KCNIP4: variants seen among roughly 807,000 people sequenced by gnomAD.
KCNIP4 encodes Kv channel-interacting protein 4.
A neutral mutation model predicts 34.0 loss-of-function variants in KCNIP4; 12 were observed. The ratio of observed to expected loss-of-function variants is 0.35; its 90% CI spans 0.23 to 0.57. The LOEUF (loss-of-function observed/expected upper bound fraction) is 0.57, where lower values mean the gene tolerates loss of function less well. Among genes scored for constraint, KCNIP4 ranks in the 20% least tolerant of loss-of-function variants. The probability of loss-of-function intolerance (pLI) is 0.83; values close to 1 mark genes in which losing one functional copy is unlikely to be tolerated. For missense variants in KCNIP4, 238 were observed against 311.7 expected (o/e 0.76, Z 1.78); for synonymous variants, 124 against 102.2 (o/e 1.21, Z -1.29).
intron 1 of KCNIP4, among the ~76,000 whole-genome samples, chr4:21,084,638 A>G (rs1746264162): frequency 1.3e-5 from 2 of 149,908 alleles, no homozygotes; most frequent in African/African-American, 5.0e-5. Flanking sequence ...CCAGTTGTCA[A>G]ATATTTTTAA....
intron 1 of KCNIP4, among the ~76,000 whole-genome samples, chr4:21,262,447 CA>C (rs1352391711): frequency 6.6e-6 from 1 of 152,172 alleles, no homozygotes; most frequent in Non-Finnish European, 1.5e-5. Flanking sequence ...CGCTTCACCC[CA>C]GAGTGCAGCC....
chr4:21,116,856 A>T (rs965791429), intron 1 of KCNIP4, among the ~76,000 whole-genome samples: 2 of 152,124 alleles, frequency 1.3e-5, no homozygotes, highest in Non-Finnish European at 2.9e-5. Context: ...CACCTTCATA[A>T]CCAGAAAAAT....
chr4:20,802,410 G>C (rs1714446397), intron 3 of KCNIP4, among the ~76,000 whole-genome samples: 1 of 151,464 alleles, frequency 6.6e-6, no homozygotes, highest in Non-Finnish European at 1.5e-5. Flanking sequence ...ATAATAGTAG[G>C]GAACTTTAAT....
chr4:21,869,866 C>A (rs1258300900), intron 1 of KCNIP4, among the ~76,000 whole-genome samples: 7 of 152,104 alleles, frequency 4.6e-5, no homozygotes, highest in African/African-American at 1.7e-4. Context: ...AACACACATA[C>A]AAGCCTGATG....
At chr4:21,933,449 C>T (rs1216455191) in intron 1 of KCNIP4, among the ~76,000 whole-genome samples, 1 of 151,998 alleles carries the variant, frequency 6.6e-6, no homozygotes, top group Non-Finnish European at 1.5e-5. Flanking sequence ...CAAATGTTGA[C>T]CCAATTTCTA....
chr4:20,934,525 A>T (rs1337108186), intron 1 of KCNIP4, among the ~76,000 whole-genome samples: 2 of 151,962 alleles, frequency 1.3e-5, no homozygotes, highest in African/African-American at 4.8e-5. Flanking sequence ...GGCTTCCCTT[A>T]TTTCACTCAC....
chr4:21,431,970 C>T (rs924287300), intron 1 of KCNIP4, among the ~76,000 whole-genome samples: 2 of 149,852 alleles, frequency 1.3e-5, no homozygotes, highest in African/African-American at 4.9e-5. Flanking sequence ...AGTTACTGAT[C>T]AATAATAATG....
chr4:21,596,543 C>A (rs1048709186), intron 1 of KCNIP4, among the ~76,000 whole-genome samples: 26 of 152,030 alleles, frequency 1.7e-4, no homozygotes, highest in South Asian at 1.0e-3. Flanking sequence ...TGTTTTGAAA[C>A]CCCCCTCCCT....
chr4:21,272,515 G>A (rs918044490), intron 1 of KCNIP4, among the ~76,000 whole-genome samples: 4 of 152,016 alleles, frequency 2.6e-5, no homozygotes, highest in Admixed American at 6.6e-5. Flanking sequence ...ACTCAGGCCT[G>A]GAGCTCTTTA....
chr4:20,847,575 C>T (rs1560510892), intron 3 of KCNIP4, among the ~76,000 whole-genome samples: 1 of 152,070 alleles, frequency 6.6e-6, no homozygotes, highest in Non-Finnish European at 1.5e-5. Context: ...GGCAAGAGAC[C>T]TAAAAATGTG....
chr4:20,757,724 G>C (rs187329024), intron 4 of KCNIP4, among the ~76,000 whole-genome samples: 6 of 152,182 alleles, frequency 3.9e-5, no homozygotes, highest in Admixed American at 3.9e-4. Flanking sequence ...TATACACTTT[G>C]GAAATGGATC....
chr4:21,668,512 T>A (rs558580058), intron 1 of KCNIP4, among the ~76,000 whole-genome samples: 1 of 152,216 alleles, frequency 6.6e-6, no homozygotes, highest in Admixed American at 6.5e-5. Context: ...AAATTAGAAC[T>A]AAGTTCTGAA....
chr4:21,479,734 C>T (rs1466225110), intron 1 of KCNIP4, among the ~76,000 whole-genome samples: 1 of 151,724 alleles, frequency 6.6e-6, no homozygotes, highest in Non-Finnish European at 1.5e-5. Flanking sequence ...TGAAAATAAA[C>T]CAAATCTTCA....
intron 1 of KCNIP4, among the ~76,000 whole-genome samples, chr4:21,710,142 G>A (rs78331663): frequency 0.017 from 2,659 of 152,304 alleles, 77 homozygotes; most frequent in African/African-American, 0.053. Flanking sequence ...TGTGGAAGAT[G>A]AATACCTCTT....
Position 20,938,256 on chromosome 4 carries a change from AG to A in KCNIP4, c.62-55548del, listed in dbSNP as rs1270378838. Among the ~76,000 whole-genome samples, 8 of 151,140 alleles carry A rather than the reference AG, an allele frequency of 5.3e-5. No homozygotes were observed. The East Asian group carries it at 1.6e-3, about 30-fold the overall frequency. On this transcript the variant is annotated intron_variant, in intron 1 of 8. Coordinates refer to ENST00000382152, the MANE Select transcript of KCNIP4 (RefSeq NM_025221.6). Reference sequence around the variant, plus strand: ...CTCAATTAAAGGTTGGTGCAGAATCAGGAGAAGCCAAGGCAAAGAGGAGCCC... The same window carrying A: ...CTCAATTAAAGGTTGGTGCAGAATCAGAGAAGCCAAGGCAAAGAGGAGCCC...
At chr4:21,872,983 T>C (rs895269126) in intron 1 of KCNIP4, among the ~76,000 whole-genome samples, 9 of 152,190 alleles carry the variant, frequency 5.9e-5, no homozygotes, top group Non-Finnish European at 1.3e-4. Flanking sequence ...ATTTCCAACA[T>C]GGTCCATTAG....
intron 1 of KCNIP4, among the ~76,000 whole-genome samples, chr4:21,811,031 G>C (rs547205353): frequency 6.6e-6 from 1 of 152,240 alleles, no homozygotes; most frequent in African/African-American, 2.4e-5. Flanking sequence ...CTTACTATAA[G>C]GGACAGAGTA....
intron 1 of KCNIP4, among the ~76,000 whole-genome samples, chr4:21,861,797 T>C (rs1214973763): frequency 6.6e-6 from 1 of 152,200 alleles, no homozygotes; most frequent in Non-Finnish European, 1.5e-5. Context: ...TTGTTCTTCC[T>C]TGATTGACAA....
At chr4:21,287,567 C>G in intron 1 of KCNIP4, among the ~76,000 whole-genome samples, 1 of 152,138 alleles carries the variant, frequency 6.6e-6, no homozygotes, top group Middle Eastern at 3.2e-3. Flanking sequence ...AGATGAGGAA[C>G]CTGGGACACA....
Sources: allele counts gnomAD v4.1 joint callset (sites outside exome capture counted in the v4.1 genomes callset), GRCh38; gene constraint gnomAD v4.1.1; transcripts MANE v1.5; gene names NCBI Gene and HGNC (gene_info 2026-07-23, HGNC 2026-07-21).